POMT1: variants seen among roughly 807,000 people sequenced by gnomAD.
POMT1 encodes protein O-mannosyl-transferase 1.
A neutral mutation model predicts 101.6 loss-of-function variants in POMT1; 85 were observed. The observed-to-expected ratio is 0.84, with a 90% CI of 0.70 to 1.00. POMT1 has a LOEUF of 1.00. Ranked by LOEUF, POMT1 falls within the 50% of genes least tolerant of loss-of-function variation. POMT1 has a pLI of 0.00. For missense variants in POMT1, 857 were observed against 930.4 expected, an observed-to-expected ratio of 0.92 and a Z score of 1.03; for synonymous variants, 371 against 383.0, an observed-to-expected ratio of 0.97 and a Z score of 0.37.
In POMT1 at chr9:131,506,454, G is replaced by A; in HGVS notation, c.280+1G>A. 1 of 1,609,482 alleles carries A rather than the reference G, an allele frequency of 6.2e-7. No individual in the cohort carries two copies. The highest frequency in any genetic ancestry group is 1.3e-5 in the African/African-American group (1 of 74,944). ...TTTTTGTGGAACAGAATTGGAGCAGGTAAAAGATAATTTTCATTTCCCTTT... is the reference window on the plus strand; with the variant it reads ...TTTTTGTGGAACAGAATTGGAGCAGATAAAAGATAATTTTCATTTCCCTTT... On this transcript the variant is annotated splice_donor_variant, in intron 4 of 19. Coordinates refer to ENST00000402686, the MANE Select transcript of POMT1 (RefSeq NM_001077365.2). LOFTEE classifies it high-confidence loss of function.
chr9:131,519,064 T>G lies in POMT1; in HGVS notation c.1486+107T>G. On this transcript the variant is annotated intron_variant, in intron 15 of 19. Coordinates refer to ENST00000402686, the MANE Select transcript of POMT1 (RefSeq NM_001077365.2). This position sits in a 1 kb window ranked among gnomAD's most constrained non-coding sequence, Gnocchi z 4.3. ...TTTGGTGGGAAGGGAACTGAGCACA[T>G]TCTCCATGCTCGGTGGCAGGTCATC... is the stretch of plus-strand genomic sequence containing the variant. 6.5e-7 allele frequency: 1 copy of G among 1,537,626 alleles called. No individual in the cohort carries two copies. The highest frequency in any genetic ancestry group is 1.2e-5 in the South Asian group (1 of 86,726).
At chr9:131,512,003 G>A (rs748428880) in intron 10 of POMT1, 38 bp from the exon 11 acceptor site, 4 of 1,611,188 alleles carry the variant, frequency 2.5e-6, no homozygotes, top group Admixed American at 1.7e-5. Flanking sequence ...GAGCCACCGC[G>A]CCTGGCCCAG....
intron 4 of POMT1, 74 bp from the exon 5 acceptor site, chr9:131,507,294 G>GA: frequency 6.2e-7 from 1 of 1,604,212 alleles, no homozygotes; most frequent in Non-Finnish European, 8.5e-7. Context: ...GGCGCTATGT[G>GA]AAAGCATAGC....
rs1170724847 is a variant in POMT1 at position 131,507,451 on chromosome 9, A to G, written c.364A>G (p.Ile122Val). ...GALSVPMAYQ[I>V]VLELHFSHCA... ...CTTGTCGGTCCCCATGGCCTACCAG[A>G]TAGTGTTGGAGCTCCACTTTTCTCA... The change falls in exon 5 of 20, where the codon ATA (isoleucine) becomes GTA (valine). Residue 122 changes from isoleucine (I) to valine (V), a missense_variant. By Grantham distance (29) the Ile-to-Val change is conservative. Coordinates refer to ENST00000402686, the MANE Select transcript of POMT1 (RefSeq NM_001077365.2). The G allele has an allele frequency of 1.2e-6, 2 of 1,614,062 alleles. No individual in the cohort carries two copies. The highest frequency in any genetic ancestry group is 3.3e-5 in the Admixed American group (2 of 60,006).
chr9:131,515,323 G>A (rs539365157), intron 12 of POMT1, 103 bp from the exon 13 acceptor site: 480 of 1,185,462 alleles, frequency 4.0e-4, no homozygotes, highest in African/African-American at 1.0e-3. Flanking sequence ...TGGCTGAGCC[G>A]GCTTTGTTTC....
At position 131,523,213 on chromosome 9, in the gene POMT1, G is replaced by C; in HGVS notation, c.*107G>C. 1 of 1,402,628 alleles carries C rather than the reference G, an allele frequency of 7.1e-7. No homozygotes were observed. Among genetic ancestry groups the C allele is most frequent in the Non-Finnish European group, 9.8e-7 (1 of 1,023,686 alleles). 86.9% of individuals were successfully genotyped at this position (1,402,628 alleles called of 1,614,324 possible). A position where few individuals can be genotyped will look rare whatever the true frequency, so the allele number is the denominator to read the frequency against. On this transcript the variant is annotated 3_prime_UTR_variant, in exon 20 of 20. Transcript: ENST00000402686. The stretch of plus-strand genomic sequence containing the variant: ...TGGGCCCCACGCTGGGAGGACACGG[G>C]CTGGGCTGAGCAGGGCCTCTAGTGG...
In POMT1 at chr9:131,518,514, G is replaced by C. The variant is rs1019439823; in HGVS notation, c.1342G>C (p.Val448Leu). Residue 448 changes from valine (V) to leucine (L), a missense_variant, in exon 14 of 20, where the codon GTG becomes CTG. By Grantham distance (32) the Val-to-Leu change is conservative (BLOSUM62 1). Coordinates refer to ENST00000402686, the MANE Select transcript of POMT1 (RefSeq NM_001077365.2). ...TILSEVRFVH[V>L]NTSAVLKLSG... The stretch of plus-strand genomic sequence containing the variant: ...CCTCTCAGAGGTCCGCTTTGTGCAC[G>C]TGAACACTTCCGCTGTCTTAAAGGT... The C allele has an allele frequency of 7.4e-6, 12 of 1,613,666 alleles. No homozygotes were observed. The highest frequency in any genetic ancestry group is 1.0e-5 in the Non-Finnish European group (12 of 1,179,858).
In POMT1 at chr9:131,515,462, G is replaced by A. The variant is rs1481058038; in HGVS notation, c.1212G>A (p.Gln404=). The stretch of plus-strand genomic sequence containing the variant: ...CAGCCCCCCTGAGCCCCCATTCACA[G>A]GAGGTCTCCTGCTACATTGACTATA... ...DVAAPLSPHS[Q]EVSCYIDYNI... is the part of the protein sequence containing the mutation. The change falls in exon 13 of 20, where the codon CAG becomes CAA. Residue 404 remains glutamine (Q), a synonymous_variant. Coordinates refer to ENST00000402686, the MANE Select transcript of POMT1 (RefSeq NM_001077365.2). The A allele has an allele frequency of 1.9e-6, 3 of 1,614,098 alleles. No individual in the cohort carries two copies. The highest frequency in any genetic ancestry group is 2.7e-5 in the African/African-American group (2 of 74,928).
rs145395372 is a variant in POMT1 at position 131,511,361 on chromosome 9, G to T, written c.880G>T (p.Gly294Cys). The stretch of plus-strand genomic sequence containing the variant: ...GGGAGGACTAGCTCGGATCACTCAG[G>T]GTCAGCCACTGGAGGTGGCCTTTGG... Reference protein sequence around the residue: ...LEGGLARITQGQPLEVAFGSQ... With the variant: ...LEGGLARITQCQPLEVAFGSQ... Residue 294 changes from glycine to cysteine, a missense_variant, in exon 10 of 20, where the codon GGT (glycine) becomes TGT (cysteine). Physicochemically the swap from Gly to Cys is radical, Grantham distance 159 (BLOSUM62 -3). Transcript: ENST00000402686. 6 of 1,613,794 alleles carry T rather than the reference G, an allele frequency of 3.7e-6. No individual in the cohort carries two copies. The African/African-American group carries it at 5.3e-5, about 14-fold the overall frequency.
Position 131,503,678 on chromosome 9 carries a change from G to C in POMT1, c.-30-511G>C, listed in dbSNP as rs150471288. 1.9e-4 allele frequency among the ~76,000 whole-genome samples: 29 copies of C among 152,352 alleles called. No individual in the cohort carries two copies. Among genetic ancestry groups the C allele is most frequent in the African/African-American group, 6.7e-4 (28 of 41,592 alleles). On this transcript the variant is annotated intron_variant, in intron 1 of 19. Coordinates refer to ENST00000402686, the MANE Select transcript of POMT1 (RefSeq NM_001077365.2). The surrounding 1 kb of genome is among the most constrained non-coding windows in gnomAD (Gnocchi z 4.4). ...GCAAATGCACCCTCCAGGCGAGAAA[G>C]GGAGCACCCGGGGATGATGTGCCGC...
At chr9:131,521,908 G>C in intron 18 of POMT1, 139 bp from the exon 19 acceptor site, 1 of 1,508,638 alleles carries the variant, frequency 6.6e-7, no homozygotes, top group Non-Finnish European at 8.9e-7. Context: ...AGGCCAAAGT[G>C]AGGGAGTCAC....
Position 131,520,142 on chromosome 9 carries a change from G to T in POMT1, c.1647G>T (p.Glu549Asp). ...ACAAGTACAGCTCCAGCCCACTGGA[G>T]TGGGTCACCCTGGACACCAATATTG... Reference protein sequence around the residue: ...SEHKYSSSPLEWVTLDTNIAY... With the variant: ...SEHKYSSSPLDWVTLDTNIAY... Residue 549 changes from glutamate (E) to aspartate (D), a missense_variant, in exon 17 of 20, where the codon GAG becomes GAT. By Grantham distance (45) the Glu-to-Asp change is conservative. Coordinates refer to ENST00000402686, the MANE Select transcript of POMT1 (RefSeq NM_001077365.2). The T allele has an allele frequency of 6.2e-7, 1 of 1,613,872 alleles. No homozygotes were observed. Among genetic ancestry groups the T allele is most frequent in the African/African-American group, 1.3e-5 (1 of 75,060 alleles).
intron 8 of POMT1, 90 bp downstream of exon 8, chr9:131,510,086 C>T (rs1043278341): frequency 3.1e-6 from 5 of 1,614,030 alleles, no homozygotes; most frequent in South Asian, 1.1e-5. Flanking sequence ...AGACTCCAAT[C>T]CTCAATGTTT....
chr9:131,513,954 G>T (rs1196900684), intron 12 of POMT1, among the ~76,000 whole-genome samples: 1 of 152,182 alleles, frequency 6.6e-6, no homozygotes, highest in Non-Finnish European at 1.5e-5. Context: ...CCACCCGGCT[G>T]CCCGGGGCTC....
intron 12 of POMT1, among the ~76,000 whole-genome samples, chr9:131,514,433 G>T (rs564025609): frequency 3.9e-5 from 6 of 152,354 alleles, no homozygotes; most frequent in African/African-American, 1.2e-4. Context: ...TCTATGTAGG[G>T]GTCTGCTGGG....
At chr9:131,517,468 G>A (rs1449128780) in intron 13 of POMT1, among the ~76,000 whole-genome samples, 1 of 151,962 alleles carries the variant, frequency 6.6e-6, no homozygotes, top group Non-Finnish European at 1.5e-5. Flanking sequence ...TGTGGAGATG[G>A]GGTCTTGCTA....
Position 131,519,096 on chromosome 9 carries a change from C to T in POMT1, c.1486+139C>T. 4.6e-6 allele frequency: 6 copies of T among 1,316,150 alleles called. No homozygotes were observed. Among genetic ancestry groups the T allele is most frequent in the Non-Finnish European group, 6.3e-6 (6 of 947,066 alleles). 81.5% of individuals were successfully genotyped at this position (1,316,150 alleles called of 1,614,324 possible). A position where few individuals can be genotyped will look rare whatever the true frequency, so the allele number is the denominator to read the frequency against. ...TGCTCGGTGGCAGGTCATCTCCCTC[C>T]CTGCACCCTGCACTCAGCTGCTGCA... is the stretch of plus-strand genomic sequence containing the variant. On this transcript the variant is annotated intron_variant, in intron 15 of 19. Transcript: ENST00000402686. This position sits in a 1 kb window ranked among gnomAD's most constrained non-coding sequence, Gnocchi z 4.3.
rs1173985909 is a variant in POMT1 at position 131,509,944 on chromosome 9, G to A, written c.647G>A (p.Gly216Asp). 8.7e-6 allele frequency: 14 copies of A among 1,614,080 alleles called. No individual in the cohort carries two copies. In the South Asian group the frequency reaches 1.4e-4, roughly 16 times the overall value. Residue 216 changes from glycine (G) to aspartate (D), a missense_variant, in exon 8 of 20, where the codon GGT becomes GAT. Physicochemically the swap from Gly to Asp is moderately conservative, Grantham distance 94. Transcript: ENST00000402686. The stretch of plus-strand genomic sequence containing the variant: ...GTGTTCACGTACGTGCTCGTGCTGG[G>A]TGTTGCAGCTGTCCATGCCTGGCAC... Reference protein sequence around the residue: ...MGVFTYVLVLGVAAVHAWHLL... With the variant: ...MGVFTYVLVLDVAAVHAWHLL...
At position 131,513,957 on chromosome 9, in the gene POMT1, C is replaced by T. The variant is rs551871720; in HGVS notation, c.1175+626C>T. Among the ~76,000 whole-genome samples the T allele has an allele frequency of 1.9e-4, 29 of 152,316 alleles. 1 individual carries two copies. The East Asian group carries it at 5.0e-3, about 26-fold the overall frequency. ...TCTCCTGGACTTCCACCCGGCTGCCCGGGGCTCACCTCCAGCTCTCCACGA... is the reference window on the plus strand; with the variant it reads ...TCTCCTGGACTTCCACCCGGCTGCCTGGGGCTCACCTCCAGCTCTCCACGA... On this transcript the variant is annotated intron_variant, in intron 12 of 19. Transcript: ENST00000402686.
Sources: gnomAD v4.1 joint callset for allele counts (sites outside exome capture counted in the v4.1 genomes callset) on GRCh38, gnomAD v4.1.1 for gene constraint, Gnocchi (gnomAD v3.1) non-coding constraint, MANE v1.5 for transcripts, NCBI Gene and HGNC (gene_info 2026-07-23, HGNC 2026-07-21) for gene names.